The following CYP3A5 variants were observed in gnomAD, a reference collection of about 807,000 sequenced individuals.
CYP3A5 encodes the protein cytochrome P450 family 3 subfamily A member 5.
Under a neutral mutation model 55.9 loss-of-function variants are expected in CYP3A5, and 51 were observed. The observed-to-expected ratio is 0.91, with a 90% CI of 0.73 to 1.15. CYP3A5 has a LOEUF of 1.15. CYP3A5 is among the 50% of genes most tolerant of loss of function. The probability of loss-of-function intolerance (pLI) is 0.00; values close to 1 mark genes in which losing one functional copy is unlikely to be tolerated. For missense variants in CYP3A5, 533 were observed against 596.6 expected (o/e 0.89, Z 1.11); for synonymous variants, 196 against 213.9 (o/e 0.92, Z 0.73).
chr7:99,658,197 C>T (rs1584422726), intron 10 of CYP3A5, among the ~76,000 whole-genome samples: 2 of 152,254 alleles, frequency 1.3e-5, no homozygotes, highest in East Asian at 3.9e-4. Context: ...TACAATTTGG[C>T]ATGTTTTTGC....
At chr7:99,655,318 C>G (rs1163789459) in intron 10 of CYP3A5, among the ~76,000 whole-genome samples, 1 of 152,172 alleles carries the variant, frequency 6.6e-6, no homozygotes, top group Non-Finnish European at 1.5e-5. Context: ...TTTCCCAGCA[C>G]CATTTATTAA....
intron 2 of CYP3A5, 71 bp from the exon 3 acceptor site, chr7:99,674,656 G>T: frequency 7.6e-7 from 1 of 1,309,634 alleles, no homozygotes; most frequent in South Asian, 1.3e-5. Flanking sequence ...AATTGGGGCT[G>T]AAAACAGTTG....
chr7:99,665,492 A>T (rs1810911152), intron 6 of CYP3A5, among the ~76,000 whole-genome samples, 178 bp from the exon 7 acceptor site: 1 of 152,212 alleles, frequency 6.6e-6, no homozygotes, highest in Non-Finnish European at 1.5e-5. Context: ...GGTGCCAGTG[A>T]TGGAGCTGGC....
At chr7:99,671,860 T>C (rs755896890) in intron 4 of CYP3A5, 12 of 702,838 alleles carry the variant, frequency 1.7e-5, no homozygotes, top group Non-Finnish European at 2.6e-6. Context: ...ATCTTGATGG[T>C]GCTGGTCGTT....
intron 4 of CYP3A5, chr7:99,671,115 A>G (rs1811564250): frequency 8.7e-6 from 1 of 115,544 alleles, no homozygotes; most frequent in African/African-American, 3.4e-5. Context: ...TACACAGACC[A>G]TTTGTGTGTG....
In CYP3A5 at chr7:99,664,107, A is replaced by G; in HGVS notation, c.671-12T>C. On this transcript the variant is annotated splice_polypyrimidine_tract_variant and intron_variant, in intron 7 of 12. Transcript: ENST00000222982. Reference sequence around the variant, plus strand: ...GAATGGAAAGAGTACTGTGGGAAAAACAAAACAAACAAAAGGAAATCATTG... The same window carrying G: ...GAATGGAAAGAGTACTGTGGGAAAAGCAAAACAAACAAAAGGAAATCATTG... 1 of 1,551,964 alleles carries G rather than the reference A, an allele frequency of 6.4e-7. No homozygotes were observed. The highest frequency in any genetic ancestry group is 8.6e-7 in the Non-Finnish European group (1 of 1,158,262).
Position 99,666,942 on chromosome 7 carries a change from A to G in CYP3A5, c.432+10T>C. ...TACATTTCTAATTAAGACTCATCTT[A>G]TTTTCATACCTCCTTGAGTTTTCCG... On this transcript the variant is annotated intron_variant, in intron 5 of 12. Transcript: ENST00000222982. 1.2e-6 allele frequency: 2 copies of G among 1,612,382 alleles called. No individual in the cohort carries two copies. The highest frequency in any genetic ancestry group is 1.7e-6 in the Non-Finnish European group (2 of 1,178,820).
intron 1 of CYP3A5, among the ~76,000 whole-genome samples, chr7:99,678,846 T>C (rs1260115339): frequency 6.6e-6 from 1 of 152,184 alleles, no homozygotes; most frequent in Non-Finnish European, 1.5e-5. Context: ...AAAAGTCAAA[T>C]TGAGGTAGAA....
At position 99,667,895 on chromosome 7, in the gene CYP3A5, C is replaced by G. The variant is rs182123505; in HGVS notation, c.319-830G>C. ...AGATCAAGAAGAACTAAAAAATGCC[C>G]ACTCTCAACATTCTTACTAAAGAGC... On this transcript the variant is annotated intron_variant, in intron 4 of 12. Coordinates refer to ENST00000222982, the MANE Select transcript of CYP3A5 (RefSeq NM_000777.5). 9.9e-4 allele frequency among the ~76,000 whole-genome samples: 151 copies of G among 152,218 alleles called. 2 individuals are homozygous for G. Among genetic ancestry groups the G allele is most frequent in the Non-Finnish European group, 1.1e-3 (78 of 68,016 alleles).
At chr7:99,665,860 C>G (rs756337064) in intron 6 of CYP3A5, among the ~76,000 whole-genome samples, 19 of 152,216 alleles carry the variant, frequency 1.2e-4, no homozygotes, top group Non-Finnish European at 2.6e-4. Context: ...CCCAGCTCCT[C>G]TGACCTGAAG....
intron 6 of CYP3A5, among the ~76,000 whole-genome samples, 184 bp downstream of exon 6, chr7:99,666,417 T>C (rs910497132): frequency 6.6e-6 from 1 of 152,198 alleles, no homozygotes; most frequent in African/African-American, 2.4e-5. Flanking sequence ...GAGAAGGCCC[T>C]TTTCCCTTGC....
At chr7:99,666,479 G>T (rs1811031931) in intron 6 of CYP3A5, 122 bp downstream of exon 6, 1 of 1,078,944 alleles carries the variant, frequency 9.3e-7, no homozygotes, top group Non-Finnish European at 1.4e-6. Flanking sequence ...CTTTGGAGTT[G>T]CAGCGCTGCC....
chr7:99,676,980 C>T (rs939084568), intron 1 of CYP3A5, among the ~76,000 whole-genome samples: 7 of 152,166 alleles, frequency 4.6e-5, no homozygotes. Flanking sequence ...GAACCAGCAA[C>T]TAATACTTCT....
At chr7:99,658,619 A>T (rs1242808833) in intron 10 of CYP3A5, among the ~76,000 whole-genome samples, 1 of 152,070 alleles carries the variant, frequency 6.6e-6, no homozygotes, top group Non-Finnish European at 1.5e-5. Flanking sequence ...CTGAATTTGA[A>T]TGTTGGCCTG....
intron 12 of CYP3A5, among the ~76,000 whole-genome samples, chr7:99,649,755 G>C (rs1180097184): frequency 6.6e-6 from 1 of 152,202 alleles, no homozygotes; most frequent in Non-Finnish European, 1.5e-5. Flanking sequence ...TTAAGTCACA[G>C]CCAGGTAATC....
intron 12 of CYP3A5, 101 bp from the exon 13 acceptor site, chr7:99,648,501 A>T: frequency 1.7e-5 from 12 of 700,870 alleles, no homozygotes; most frequent in Non-Finnish European, 2.5e-5. Context: ...CTTTGCAAGC[A>T]TATAAAAACG....
At chr7:99,654,971 GATA>G in intron 10 of CYP3A5, among the ~76,000 whole-genome samples, 1 of 152,298 alleles carries the variant, frequency 6.6e-6, no homozygotes, top group East Asian at 1.9e-4. Context: ...GTAGATTCTG[GATA>G]TTAGCCCTTT....
chr7:99,671,982 A>C, intron 4 of CYP3A5: 1 of 634,586 alleles, frequency 1.6e-6, no homozygotes, highest in Non-Finnish European at 2.8e-6. Flanking sequence ...AACTATATCA[A>C]AGTCAATTTC....
Position 99,666,617 on chromosome 7 carries a change from G to A in CYP3A5, c.505C>T (p.Pro169Ser), listed in dbSNP as rs139951597. 5.0e-6 allele frequency: 8 copies of A among 1,613,738 alleles called. No individual in the cohort carries two copies. In the African/African-American group the frequency reaches 9.3e-5, roughly 19 times the overall value. ...CCTACTTACTCTTTCAAGGTGACAGGCTTGCCTTTCTCTGCTTCCCGCCTC... is the reference window on the plus strand; with the variant it reads ...CCTACTTACTCTTTCAAGGTGACAGACTTGCCTTTCTCTGCTTCCCGCCTC... ...NLRREAEKGK[P>S]VTLKDIFGAY... The change falls in exon 6 of 13, where the codon CCT (proline) becomes TCT (serine). Residue 169 changes from proline (P) to serine (S), a missense_variant. Pro to Ser is a moderately conservative substitution (Grantham distance 74, BLOSUM62 -1). Coordinates refer to ENST00000222982, the MANE Select transcript of CYP3A5 (RefSeq NM_000777.5).
Sources: allele counts gnomAD v4.1 joint callset (sites outside exome capture counted in the v4.1 genomes callset), GRCh38; gene constraint gnomAD v4.1.1; transcripts MANE v1.5; gene names NCBI Gene and HGNC (gene_info 2026-07-23, HGNC 2026-07-21).